CDYL2: variants seen among roughly 807,000 people sequenced by gnomAD.
CDYL2 encodes chromodomain Y-like protein 2.
In CDYL2, 23 loss-of-function variants were observed where a neutral mutation model predicts 49.4. The observed-to-expected ratio is 0.47, with a 90% CI of 0.34 to 0.66. The LOEUF (loss-of-function observed/expected upper bound fraction) is 0.66. CDYL2 is among the 30% of genes least tolerant of loss of function. The probability of loss-of-function intolerance (pLI) is 0.01; values close to 1 mark genes in which losing one functional copy is unlikely to be tolerated. For synonymous variants in CDYL2, 360 were observed against 268.8 expected, an observed-to-expected ratio of 1.34 and a Z score of -3.32; for missense variants, 678 against 656.4, an observed-to-expected ratio of 1.03 and a Z score of -0.36.
chr16:80,711,142 C>T (rs1597092054), intron 1 of CDYL2, among the ~76,000 whole-genome samples: 1 of 152,184 alleles, frequency 6.6e-6, no homozygotes, highest in Non-Finnish European at 1.5e-5. Flanking sequence ...AGTGCTTGCA[C>T]GCAGGCTGTG....
At chr16:80,669,509 C>G (rs1265518324) in intron 2 of CDYL2, among the ~76,000 whole-genome samples, 1 of 152,078 alleles carries the variant, frequency 6.6e-6, no homozygotes, top group East Asian at 1.9e-4. Context: ...TGGCACAGAT[C>G]TGGGGCAGCA....
In CDYL2 at chr16:80,697,842, G is replaced by A. The variant is rs147357260; in HGVS notation, c.25-12713C>T. ...AATACCTAGGAATAAATTTAACCAA[G>A]GAGATGAAAGATCTCTACAATGGAA... On this transcript the variant is annotated intron_variant, in intron 1 of 6. Transcript: ENST00000570137. Among the ~76,000 whole-genome samples the A allele has an allele frequency of 4.2e-3, 640 of 151,646 alleles. 2 individuals are homozygous for A. The highest frequency in any genetic ancestry group is 0.015 in the African/African-American group (600 of 41,314).
chr16:80,620,642 A>T, intron 4 of CDYL2, 121 bp downstream of exon 4: 1 of 930,228 alleles, frequency 1.1e-6, no homozygotes, highest in Non-Finnish European at 1.5e-6. Context: ...TGCACAGGAT[A>T]TACTTATGCT....
intron 1 of CDYL2, among the ~76,000 whole-genome samples, chr16:80,702,217 C>CAAAAAA (rs1555531311): frequency 6.6e-6 from 1 of 150,558 alleles, no homozygotes; most frequent in African/African-American, 2.4e-5. Context: ...CACACACACA[C>CAAAAAA]AAAACTATAA....
chr16:80,794,598 ATTTTTTTTTT>A (rs966789395), intron 1 of CDYL2, among the ~76,000 whole-genome samples: 1 of 66,830 alleles, frequency 1.5e-5, no homozygotes, highest in Non-Finnish European at 3.0e-5. Context: ...ATTCCCAGTG[ATTTTTTTTTT>A]TTTTTTTTTT....
intron 5 of CDYL2, among the ~76,000 whole-genome samples, chr16:80,609,603 G>A (rs1281937669): frequency 6.6e-6 from 1 of 152,248 alleles, no homozygotes; most frequent in Non-Finnish European, 1.5e-5. Context: ...TTCGCTGGGA[G>A]AAGGGGCAAA....
At chr16:80,681,621 A>G (rs1198336542) in intron 2 of CDYL2, among the ~76,000 whole-genome samples, 1 of 152,198 alleles carries the variant, frequency 6.6e-6, no homozygotes, top group Non-Finnish European at 1.5e-5. Context: ...CTGGCTAACA[A>G]GCTAGTTCTG....
intron 1 of CDYL2, among the ~76,000 whole-genome samples, chr16:80,797,264 TTCCACTCCC>T (rs1907794214): frequency 1.3e-5 from 2 of 152,286 alleles, no homozygotes; most frequent in Admixed American, 6.5e-5. Flanking sequence ...TCACTGTCCT[TTCCACTCCC>T]TCCACTCCCT....
intron 1 of CDYL2, among the ~76,000 whole-genome samples, chr16:80,690,644 G>A (rs1294677968): frequency 1.3e-5 from 2 of 152,136 alleles, no homozygotes; most frequent in South Asian, 2.1e-4. Context: ...ACCTCTCATC[G>A]TGCAGTGGGT....
At chr16:80,627,410 A>G (rs1907353028) in intron 3 of CDYL2, 1 of 152,272 alleles carries the variant, frequency 6.6e-6, no homozygotes, top group South Asian at 2.1e-4. Flanking sequence ...AAGAAAAAAT[A>G]AATAAAAGAC....
chr16:80,685,181 C>A (rs1910140818), intron 1 of CDYL2, 52 bp from the exon 2 acceptor site: 1 of 1,460,276 alleles, frequency 6.8e-7, no homozygotes, highest in South Asian at 1.3e-5. Flanking sequence ...GAGGAAAAAA[C>A]TCAGTTCGAG....
chr16:80,641,229 C>T (rs1468025082), intron 2 of CDYL2, among the ~76,000 whole-genome samples: 1 of 152,070 alleles, frequency 6.6e-6, no homozygotes, highest in Non-Finnish European at 1.5e-5. Context: ...ACAAATAGCA[C>T]ACAATGTAGG....
chr16:80,777,065 G>T (rs561794598), intron 1 of CDYL2, among the ~76,000 whole-genome samples: 1 of 151,846 alleles, frequency 6.6e-6, no homozygotes, highest in East Asian at 1.9e-4. Flanking sequence ...CAGGCAATCC[G>T]TCCGCCTTGG....
At chr16:80,718,863 C>T (rs1904901910) in intron 1 of CDYL2, among the ~76,000 whole-genome samples, 1 of 152,118 alleles carries the variant, frequency 6.6e-6, no homozygotes, top group Non-Finnish European at 1.5e-5. Context: ...CGCCTGGGGT[C>T]TAGAGACACA....
chr16:80,785,113 T>C (rs960079561), intron 1 of CDYL2, among the ~76,000 whole-genome samples: 1 of 151,954 alleles, frequency 6.6e-6, no homozygotes, highest in African/African-American at 2.4e-5. Flanking sequence ...TACTGAAGAC[T>C]TTGGGAGAAA....
At chr16:80,805,017 G>A (rs1228044393), upstream of CDYL2, among the ~76,000 whole-genome samples, 1 of 152,194 alleles carries the variant, frequency 6.6e-6, no homozygotes, top group African/African-American at 2.4e-5. Flanking sequence ...GAGGAAGGAT[G>A]AAATGGCCCA....
chr16:80,637,222 AC>A (rs948777495), intron 2 of CDYL2, among the ~76,000 whole-genome samples: 1 of 38,376 alleles, frequency 2.6e-5, no homozygotes, highest in African/African-American at 5.9e-5. Context: ...AAAAGCACAA[AC>A]TTAAAAAAAA....
intron 1 of CDYL2, among the ~76,000 whole-genome samples, chr16:80,757,781 AATT>A (rs1421837783): frequency 6.6e-6 from 1 of 151,968 alleles, no homozygotes; most frequent in African/African-American, 2.4e-5. Flanking sequence ...CAAAATAACA[AATT>A]ATTGGAGGAC....
chr16:80,760,445 A>T (rs1273759770), intron 1 of CDYL2, among the ~76,000 whole-genome samples: 1 of 152,220 alleles, frequency 6.6e-6, no homozygotes, highest in African/African-American at 2.4e-5. Flanking sequence ...ACTATAGTCA[A>T]TAATAACGTA....
Sources: gnomAD v4.1 joint callset for allele counts (sites outside exome capture counted in the v4.1 genomes callset) on GRCh38, gnomAD v4.1.1 for gene constraint, MANE v1.5 for transcripts, NCBI Gene and HGNC (gene_info 2026-07-23, HGNC 2026-07-21) for gene names.